Variants in PLCH1 observed in about 807,000 individuals in gnomAD.
The protein encoded by PLCH1 is phospholipase C eta 1.
PLCH1 carries 60 observed loss-of-function variants against 126.7 expected under a neutral mutation model. The ratio of observed to expected loss-of-function variants is 0.47; its 90% CI spans 0.38 to 0.59. PLCH1 has a LOEUF of 0.59. PLCH1 is among the 20% of genes least tolerant of loss of function. The pLI, the probability that PLCH1 is intolerant of heterozygous loss-of-function variation, is 0.00. For synonymous variants in PLCH1, 719 were observed against 734.9 expected, an observed-to-expected ratio of 0.98 and a Z score of 0.35; for missense variants, 1,723 against 2,040.0, an observed-to-expected ratio of 0.84 and a Z score of 2.99.
At chr3:155,459,421 T>C (rs1198208771) in intron 21 of PLCH1, among the ~76,000 whole-genome samples, 1 of 152,202 alleles carries the variant, frequency 6.6e-6, no homozygotes, top group East Asian at 1.9e-4. Flanking sequence ...AACTCAACCA[T>C]AATTTCGAAT....
chr3:155,527,236 A>T (rs1414431434), intron 10 of PLCH1, among the ~76,000 whole-genome samples: 1 of 152,206 alleles, frequency 6.6e-6, no homozygotes, highest in Non-Finnish European at 1.5e-5. Flanking sequence ...ACATGGAAGG[A>T]TGTTCACATG....
intron 2 of PLCH1, among the ~76,000 whole-genome samples, chr3:155,676,929 C>T (rs540878807): frequency 2.0e-5 from 3 of 152,190 alleles, no homozygotes; most frequent in African/African-American, 4.8e-5. Context: ...TGAAACCACA[C>T]ATTATTATAG....
chr3:155,651,145 AG>A (rs1204214501), intron 2 of PLCH1, among the ~76,000 whole-genome samples: 1 of 152,240 alleles, frequency 6.6e-6, no homozygotes, highest in Admixed American at 6.5e-5. Context: ...CTCATAGACT[AG>A]GGGGAAAAAT....
chr3:155,582,878 T>C (rs1730897391), intron 6 of PLCH1, among the ~76,000 whole-genome samples: 1 of 152,036 alleles, frequency 6.6e-6, no homozygotes, highest in African/African-American at 2.4e-5. Context: ...GCCTATATAA[T>C]ATTAAGATTA....
intron 2 of PLCH1, among the ~76,000 whole-genome samples, chr3:155,673,102 G>A (rs889795975): frequency 1.9e-5 from 2 of 107,778 alleles, no homozygotes; most frequent in African/African-American, 7.5e-5. Flanking sequence ...TTCTTAACCT[G>A]GATTACCAGG....
chr3:155,700,213 G>C (rs888223875), intron 2 of PLCH1, among the ~76,000 whole-genome samples: 3 of 152,184 alleles, frequency 2.0e-5, no homozygotes, highest in African/African-American at 7.2e-5. Context: ...CAAACTAGCA[G>C]TCAAGTTTCT....
At chr3:155,536,892 G>C (rs1209214019) in intron 10 of PLCH1, among the ~76,000 whole-genome samples, 1 of 152,024 alleles carries the variant, frequency 6.6e-6, no homozygotes, top group Non-Finnish European at 1.5e-5. Flanking sequence ...CTAAAGTCAA[G>C]ATGAAGGAAA....
chr3:155,608,689 C>T (rs756942783), intron 2 of PLCH1, among the ~76,000 whole-genome samples: 10 of 152,162 alleles, frequency 6.6e-5, no homozygotes, highest in Non-Finnish European at 1.2e-4. Context: ...ACAGCAGCCT[C>T]AGCAACTCCC....
intron 1 of PLCH1, among the ~76,000 whole-genome samples, chr3:155,736,935 A>G (rs908043115): frequency 8.5e-5 from 13 of 152,072 alleles, no homozygotes; most frequent in African/African-American, 2.7e-4. Flanking sequence ...CAAAAGGCAT[A>G]AAAGAGTATA....
intron 21 of PLCH1, among the ~76,000 whole-genome samples, chr3:155,460,824 A>AGATAGATAGATG (rs1560028439): frequency 2.0e-5 from 3 of 151,580 alleles, no homozygotes; most frequent in African/African-American, 7.3e-5. Flanking sequence ...ATAGATAGAT[A>AGATAGATAGATG]GATAGATAGA....
chr3:155,702,508 A>C (rs920046984), intron 2 of PLCH1, among the ~76,000 whole-genome samples: 1 of 152,184 alleles, frequency 6.6e-6, no homozygotes, highest in South Asian at 2.1e-4. Flanking sequence ...AAGTCCTTGA[A>C]AGGATTCCGT....
intron 1 of PLCH1, among the ~76,000 whole-genome samples, chr3:155,730,907 C>T (rs1748723870): frequency 6.6e-6 from 1 of 152,146 alleles, no homozygotes; most frequent in South Asian, 2.1e-4. Context: ...GCCTTACACC[C>T]TAATGCCAGG....
chr3:155,725,515 T>C (rs908798172), intron 1 of PLCH1, among the ~76,000 whole-genome samples: 1 of 151,396 alleles, frequency 6.6e-6, no homozygotes, highest in Non-Finnish European at 1.5e-5. Flanking sequence ...TAGTGCGATC[T>C]CAGCTCACTG....
At chr3:155,619,415 G>T (rs747455273) in intron 2 of PLCH1, among the ~76,000 whole-genome samples, 10 of 149,182 alleles carry the variant, frequency 6.7e-5, no homozygotes, top group Non-Finnish European at 1.3e-4. Context: ...TATACCCCCA[G>T]TAGCTCCCAG....
intron 10 of PLCH1, among the ~76,000 whole-genome samples, chr3:155,534,200 G>A (rs1723052583): frequency 6.6e-6 from 1 of 152,234 alleles, no homozygotes; most frequent in Non-Finnish European, 1.5e-5. Context: ...GAAAGCAGCT[G>A]GGAGGGGTGT....
At position 155,514,874 on chromosome 3, in the gene PLCH1, G is replaced by A; in HGVS notation, c.1481C>T (p.Thr494Ile). ...CKFKLHYSNG[T>I]TEHQVESFIR... is the part of the protein sequence containing the mutation. ...GAAAGATTCCACCTGATGCTCAGTG[G>A]TCCCATTACTCTGCAAAGAATTAAG... is the stretch of plus-strand genomic sequence containing the variant. Residue 494 changes from threonine to isoleucine, a missense_variant, in exon 12 of 23, where the codon ACC becomes ATC. Thr to Ile is a moderately conservative substitution (Grantham distance 89). Transcript: ENST00000460012. The A allele has an allele frequency of 6.3e-7, 1 of 1,599,954 alleles. No individual in the cohort carries two copies. The highest frequency in any genetic ancestry group is 8.5e-7 in the Non-Finnish European group (1 of 1,171,856).
At chr3:155,495,212 G>A (rs1425386049) in intron 15 of PLCH1, among the ~76,000 whole-genome samples, 1 of 152,052 alleles carries the variant, frequency 6.6e-6, no homozygotes, top group Admixed American at 6.5e-5. Flanking sequence ...CAAAGTAAAG[G>A]AAGGTAAAAG....
intron 10 of PLCH1, among the ~76,000 whole-genome samples, chr3:155,527,308 G>A (rs1722080192): frequency 2.0e-5 from 3 of 152,258 alleles, no homozygotes; most frequent in Middle Eastern, 6.8e-3. Flanking sequence ...CTAAACTCAA[G>A]CTTCAATGAC....
At chr3:155,524,329 G>T (rs1721619430) in intron 10 of PLCH1, among the ~76,000 whole-genome samples, 1 of 152,210 alleles carries the variant, frequency 6.6e-6, no homozygotes. Flanking sequence ...AGTTGTTGCT[G>T]AATGGGTATA....
Sources: gnomAD v4.1 joint callset for allele counts (sites outside exome capture counted in the v4.1 genomes callset) on GRCh38, gnomAD v4.1.1 for gene constraint, MANE v1.5 for transcripts, NCBI Gene and HGNC (gene_info 2026-07-23, HGNC 2026-07-21) for gene names.